The following DSCAM variants were observed in gnomAD, a reference collection of about 807,000 sequenced individuals.
DSCAM encodes cell adhesion molecule DSCAM.
Under a neutral mutation model 217.7 loss-of-function variants are expected in DSCAM, and 47 were observed. The observed-to-expected ratio is 0.22, with a 90% confidence interval of 0.17 to 0.28. The LOEUF is 0.28. DSCAM is among the 10% of genes least tolerant of loss of function. The pLI, the probability that DSCAM is intolerant of heterozygous loss-of-function variation, is 1.00. For missense variants in DSCAM, 2,080 were observed against 2,618.3 expected, an observed-to-expected ratio of 0.79 and a Z score of 4.49; for synonymous variants, 1,056 against 1,015.3, an observed-to-expected ratio of 1.04 and a Z score of -0.76.
At chr21:40,831,307 GCA>G (rs10534004) in intron 1 of DSCAM, among the ~76,000 whole-genome samples, 105,038 of 151,590 alleles carry the variant, frequency 0.69, 36,483 homozygotes, top group East Asian at 0.77. Flanking sequence ...GCACAGGTAT[GCA>G]CACACACACA....
At chr21:40,798,544 G>A (rs2091711606) in intron 1 of DSCAM, among the ~76,000 whole-genome samples, 1 of 152,028 alleles carries the variant, frequency 6.6e-6, no homozygotes. Flanking sequence ...ACATGAATTG[G>A]CAATAATAAT....
At chr21:40,192,591 A>G (rs1253143770) in intron 11 of DSCAM, among the ~76,000 whole-genome samples, 1 of 152,192 alleles carries the variant, frequency 6.6e-6, no homozygotes, top group Non-Finnish European at 1.5e-5. Context: ...AGTCTCTGGT[A>G]TGTCTTTAAA....
rs1428081212 is a variant in DSCAM, at chr21:40,189,174, C to T, written c.2421G>A (p.Met807Ile). 1 of 1,613,654 alleles carries T rather than the reference C, an allele frequency of 6.2e-7. No individual in the cohort carries two copies. ...GCTTCTCACCATGCGCCGTGCAGCT[C>T]ATCTCCTTTTTCTGCCCCTGCGTGG... The part of the protein sequence containing the change: ...TLATQGQKKE[M>I]SCTAHGEKPI... The change falls in exon 12 of 33, where the codon ATG becomes ATA. Residue 807 changes from methionine to isoleucine, a missense_variant. This residue lies in a region of DSCAM where 1,144 missense variants were observed against 1,421.1 expected (regional missense o/e 0.81). Transcript: ENST00000400454.
intron 3 of DSCAM, among the ~76,000 whole-genome samples, chr21:40,637,186 T>C (rs185575365): frequency 5.7e-5 from 1 of 17,412 alleles, no homozygotes; most frequent in African/African-American, 2.7e-4. Flanking sequence ...TAAATATATA[T>C]AAATATAAAT....
intron 3 of DSCAM, among the ~76,000 whole-genome samples, chr21:40,670,048 C>T (rs2090253906): frequency 6.6e-6 from 1 of 151,808 alleles, no homozygotes; most frequent in Non-Finnish European, 1.5e-5. Context: ...TTATAAAATA[C>T]AATGTCACAA....
At chr21:40,580,016 C>G (rs55719351) in intron 3 of DSCAM, among the ~76,000 whole-genome samples, 1 of 151,860 alleles carries the variant, frequency 6.6e-6, no homozygotes, top group African/African-American at 2.4e-5. Flanking sequence ...AGATCATCCA[C>G]CAGAACCAAT....
At chr21:40,484,861 C>T (rs767523668) in intron 3 of DSCAM, among the ~76,000 whole-genome samples, 4 of 152,162 alleles carry the variant, frequency 2.6e-5, no homozygotes, top group Non-Finnish European at 5.9e-5. Flanking sequence ...ATGCTGTCAT[C>T]TATAAGTTCT....
At chr21:40,739,528 C>T (rs2091100672) in intron 1 of DSCAM, among the ~76,000 whole-genome samples, 1 of 152,194 alleles carries the variant, frequency 6.6e-6, no homozygotes, top group Non-Finnish European at 1.5e-5. Flanking sequence ...AGGGCTATCC[C>T]TCTGTGTGAG....
rs565503277 is a variant in DSCAM, at chr21:40,313,161, TGTTA to T, written c.1784-806_1784-803del. 4.6e-5 allele frequency among the ~76,000 whole-genome samples: 7 copies of T among 152,212 alleles called. No individual in the cohort carries two copies. In the South Asian group the frequency reaches 1.5e-3, roughly 32 times the overall value. Reference sequence around the variant, plus strand: ...AGTAAAATAAATATTCCAATTTTATTGTTAAAGTTCTCTGTTATGTCCAACTAAT... The same window carrying T: ...AGTAAAATAAATATTCCAATTTTATTAAGTTCTCTGTTATGTCCAACTAAT... On this transcript the variant is annotated intron_variant, in intron 8 of 32. Transcript: ENST00000400454.
intron 3 of DSCAM, among the ~76,000 whole-genome samples, chr21:40,448,328 C>G (rs930343408): frequency 6.6e-6 from 1 of 152,164 alleles, no homozygotes. Flanking sequence ...TTCATTCTCT[C>G]TTCTTGAGCT....
chr21:40,382,498 C>T (rs1055296081), intron 3 of DSCAM, among the ~76,000 whole-genome samples: 2 of 152,182 alleles, frequency 1.3e-5, no homozygotes, highest in East Asian at 1.9e-4. Flanking sequence ...TTTTTTAAAA[C>T]TGCAACATCA....
At chr21:40,086,088 CT>C (rs1372790825) in intron 22 of DSCAM, among the ~76,000 whole-genome samples, 6 of 152,290 alleles carry the variant, frequency 3.9e-5, no homozygotes, top group African/African-American at 1.4e-4. Context: ...TGGAGATATC[CT>C]CATTTTGGCA....
chr21:40,487,078 CAT>C (rs898286432), intron 3 of DSCAM, among the ~76,000 whole-genome samples: 29 of 152,164 alleles, frequency 1.9e-4, no homozygotes, highest in African/African-American at 7.0e-4. Flanking sequence ...AGGAACTCCA[CAT>C]GTTTGAAGCA....
At chr21:40,766,006 G>A (rs1339829653) in intron 1 of DSCAM, among the ~76,000 whole-genome samples, 2 of 152,210 alleles carry the variant, frequency 1.3e-5, no homozygotes, top group African/African-American at 2.4e-5. Flanking sequence ...TATCACAGCC[G>A]CGGAGGCAGG....
chr21:40,338,958 C>A (rs2074457928), intron 7 of DSCAM, among the ~76,000 whole-genome samples, 161 bp downstream of exon 7: 1 of 152,176 alleles, frequency 6.6e-6, no homozygotes, highest in Non-Finnish European at 1.5e-5. Flanking sequence ...CAACATTAAC[C>A]CAGTCAGTGC....
intron 1 of DSCAM, among the ~76,000 whole-genome samples, chr21:40,712,721 G>GTAAAATA (rs1185531806): frequency 4.6e-5 from 7 of 151,646 alleles, no homozygotes; most frequent in Non-Finnish European, 1.0e-4. Flanking sequence ...AAGTATTTTT[G>GTAAAATA]GAATTTCTAT....
chr21:40,821,141 T>TAC (rs1416356827), intron 1 of DSCAM, among the ~76,000 whole-genome samples: 1 of 150,244 alleles, frequency 6.7e-6, no homozygotes, highest in African/African-American at 2.4e-5. Flanking sequence ...TCTTCACATA[T>TAC]ATATATATAC....
intron 3 of DSCAM, among the ~76,000 whole-genome samples, chr21:40,675,381 A>G (rs1568977626): frequency 6.6e-6 from 1 of 152,066 alleles, no homozygotes; most frequent in Non-Finnish European, 1.5e-5. Flanking sequence ...CACACAGTGA[A>G]ATGTATACTT....
At chr21:40,217,864 GT>G (rs1405334928) in intron 11 of DSCAM, among the ~76,000 whole-genome samples, 3 of 151,868 alleles carry the variant, frequency 2.0e-5, no homozygotes, top group East Asian at 1.9e-4. Flanking sequence ...GGGGTGGTTT[GT>G]TTTTTTCTTG....
Sources: gnomAD v4.1 joint callset for allele counts (sites outside exome capture counted in the v4.1 genomes callset) on GRCh38, gnomAD v4.1.1 for gene constraint, gnomAD v4.1.1 regional missense constraint, MANE v1.5 for transcripts, NCBI Gene and HGNC (gene_info 2026-07-23, HGNC 2026-07-21) for gene names.